Variants in WIPF2 observed in about 807,000 individuals in gnomAD.
The protein encoded by WIPF2 is WAS/WASL interacting protein family member 2, also known as WAS/WASL-interacting protein family member 2.
A neutral mutation model predicts 38.8 loss-of-function variants in WIPF2; 23 were observed. That is an observed-to-expected ratio of 0.59 (90% confidence interval 0.43 to 0.84). The LOEUF (loss-of-function observed/expected upper bound fraction) is 0.84, where lower values mean the gene tolerates loss of function less well. WIPF2 is among the 40% of genes least tolerant of loss of function. The pLI, the probability that WIPF2 is intolerant of heterozygous loss-of-function variation, is 0.00. For synonymous variants in WIPF2, 210 were observed against 223.2 expected, an observed-to-expected ratio of 0.94 and a Z score of 0.53; for missense variants, 574 against 580.5, an observed-to-expected ratio of 0.99 and a Z score of 0.11.
At position 40,256,452 on chromosome 17, in the gene WIPF2, G is replaced by C. The variant is rs1262140106; in HGVS notation, c.-8G>C. On this transcript the variant is annotated 5_prime_UTR_variant, in exon 2 of 8. Transcript: ENST00000323571. ...GAGAGAACAGTGCCAACTGGGAGCAGGGCAAGAATGCCAATTCCTCCTCCC... is the reference window on the plus strand; with the variant it reads ...GAGAGAACAGTGCCAACTGGGAGCACGGCAAGAATGCCAATTCCTCCTCCC... 1 of 1,608,572 alleles carries C rather than the reference G, an allele frequency of 6.2e-7. No homozygotes were observed. The highest frequency in any genetic ancestry group is 1.7e-5 in the Admixed American group (1 of 58,850).
chr17:40,276,311 T>G (rs897384652), intron 6 of WIPF2, among the ~76,000 whole-genome samples: 1 of 151,822 alleles, frequency 6.6e-6, no homozygotes, highest in Non-Finnish European at 1.5e-5. Context: ...GTGGATCACC[T>G]GAGGTCAGGA....
intron 2 of WIPF2, 103 bp from the exon 3 acceptor site, chr17:40,260,432 C>T (rs2031860672): frequency 7.2e-7 from 1 of 1,398,204 alleles, no homozygotes; most frequent in Non-Finnish European, 9.8e-7. Context: ...AGTGATCCAC[C>T]TGCCTTGGCC....
At chr17:40,226,623 G>C (rs1200679890) in intron 1 of WIPF2, among the ~76,000 whole-genome samples, 2 of 152,158 alleles carry the variant, frequency 1.3e-5, no homozygotes, top group Non-Finnish European at 2.9e-5. Context: ...TGCTCACCTA[G>C]TAGGGAGGAT....
rs142659099 is a variant in WIPF2 at position 40,260,575 on chromosome 17, G to A, written c.104G>A (p.Arg35Gln). The A allele has an allele frequency of 5.8e-3, 9,402 of 1,613,794 alleles. 37 individuals are homozygous for A. The highest frequency in any genetic ancestry group is 7.0e-3 in the Non-Finnish European group (8,278 of 1,179,972). Residue 35 changes from arginine (R) to glutamine (Q), a missense_variant, in exon 3 of 8, where the codon CGG (arginine) becomes CAG (glutamine). Coordinates refer to ENST00000323571, the MANE Select transcript of WIPF2 (RefSeq NM_133264.5). ...CCCAAGCTGAGTAGAGATGAGCAGC[G>A]GGGTCGAGGCGCCCTCTTACAGGAC... ...EQPKLSRDEQ[R>Q]GRGALLQDIC...
At chr17:40,221,548 A>G (rs1341184317) in intron 1 of WIPF2, among the ~76,000 whole-genome samples, 1 of 151,870 alleles carries the variant, frequency 6.6e-6, no homozygotes, top group Non-Finnish European at 1.5e-5. Flanking sequence ...ATTCTGGGCA[A>G]CGTAGCAATA....
intron 1 of WIPF2, among the ~76,000 whole-genome samples, chr17:40,231,018 C>A (rs2030718828): frequency 6.6e-6 from 1 of 152,126 alleles, no homozygotes; most frequent in Admixed American, 6.6e-5. Context: ...CCCAGATGGT[C>A]CTGTTTGATT....
intron 1 of WIPF2, among the ~76,000 whole-genome samples, chr17:40,241,769 T>C (rs2145320501): frequency 6.6e-6 from 1 of 152,328 alleles, no homozygotes; most frequent in South Asian, 2.1e-4. Context: ...GAAGTTTGTT[T>C]TTAACTTTAC....
intron 1 of WIPF2, among the ~76,000 whole-genome samples, chr17:40,226,595 C>G (rs1482620795): frequency 6.6e-6 from 1 of 152,102 alleles, no homozygotes; most frequent in South Asian, 2.1e-4. Context: ...TTTCCTTCTT[C>G]CATTCCTGCC....
Position 40,260,632 on chromosome 17 carries a change from C to A in WIPF2, c.161C>A (p.Thr54Asn), listed in dbSNP as rs755558129. 6.2e-7 allele frequency: 1 copy of A among 1,613,774 alleles called. No individual in the cohort carries two copies. The highest frequency in any genetic ancestry group is 8.5e-7 in the Non-Finnish European group (1 of 1,179,976). ...AAAGGGACCAAGCTGAAGAAGGTGA[C>A]CAACATTAATGATCGGAGTGCTCCC... ...ICKGTKLKKV[T>N]NINDRSAPIL... The change falls in exon 3 of 8, where the codon ACC (threonine) becomes AAC (asparagine). Residue 54 changes from threonine to asparagine, a missense_variant. By Grantham distance (65) the Thr-to-Asn change is moderately conservative (BLOSUM62 0). Transcript: ENST00000323571.
chr17:40,239,220 C>T (rs915877384), intron 1 of WIPF2, among the ~76,000 whole-genome samples: 13 of 151,538 alleles, frequency 8.6e-5, no homozygotes, highest in East Asian at 2.0e-4. Context: ...CACAGGCGCC[C>T]GCCACCACGC....
intron 2 of WIPF2, among the ~76,000 whole-genome samples, chr17:40,257,906 A>C (rs903882381): frequency 2.6e-5 from 4 of 152,170 alleles, no homozygotes; most frequent in African/African-American, 7.2e-5. Flanking sequence ...TAAGTGTTTA[A>C]CAGTTGAGAA....
chr17:40,255,081 A>G (rs1387559498), intron 1 of WIPF2, among the ~76,000 whole-genome samples: 1 of 152,136 alleles, frequency 6.6e-6, no homozygotes, highest in Non-Finnish European at 1.5e-5. Context: ...AAATGAGAAG[A>G]TAAGCCTCAG....
chr17:40,224,236 T>TC (rs1364192604), intron 1 of WIPF2, among the ~76,000 whole-genome samples: 1 of 141,258 alleles, frequency 7.1e-6, no homozygotes, highest in Non-Finnish European at 1.5e-5. Flanking sequence ...CTTTTCTTTT[T>TC]TTTTTTTTTT....
At position 40,219,448 on chromosome 17, in the gene WIPF2, G is replaced by C. The variant is rs977842155; in HGVS notation, c.-114G>C. The C allele has an allele frequency of 1.5e-4, 45 of 290,702 alleles. No individual in the cohort carries two copies. The highest frequency in any genetic ancestry group is 2.7e-4 in the Non-Finnish European group (40 of 150,674). The allele number at this position is 290,702 out of a possible 1,614,324, so 18.0% of individuals were successfully genotyped here. Reference sequence around the variant, plus strand: ...GGGCGAGCAGGACAGGACGAAGCCGGAGTGTAGGCGGCAGAGGATTCGCTC... The same window carrying C: ...GGGCGAGCAGGACAGGACGAAGCCGCAGTGTAGGCGGCAGAGGATTCGCTC... On this transcript the variant is annotated 5_prime_UTR_variant, in exon 1 of 8. Coordinates refer to ENST00000323571, the MANE Select transcript of WIPF2 (RefSeq NM_133264.5).
chr17:40,249,333 G>A (rs1383122358), intron 1 of WIPF2, among the ~76,000 whole-genome samples: 2 of 152,014 alleles, frequency 1.3e-5, no homozygotes, highest in African/African-American at 4.8e-5. Flanking sequence ...GGTAGTAGTT[G>A]GTGTCTTTGT....
At position 40,228,016 on chromosome 17, in the gene WIPF2, T is replaced by G. The variant is rs867496878; in HGVS notation, c.-70+8524T>G. On this transcript the variant is annotated intron_variant, in intron 1 of 7. Coordinates refer to ENST00000323571, the MANE Select transcript of WIPF2 (RefSeq NM_133264.5). ...TGTTTTTATACCTCTTTTTGTTTTT[T>G]TTTTTTTTTTTTTTTTTGAGACGGA... Among the ~76,000 whole-genome samples the G allele has an allele frequency of 1.4e-4, 16 of 118,366 alleles. No homozygotes were observed. In the South Asian group the frequency reaches 3.8e-3, roughly 28 times the overall value. The allele number at this position is 118,366 out of a possible 152,430, so 77.7% of individuals were successfully genotyped here. A position where few individuals can be genotyped will look rare whatever the true frequency, so the allele number is the denominator to read the frequency against.
intron 2 of WIPF2, among the ~76,000 whole-genome samples, chr17:40,259,580 C>T (rs566198881): frequency 6.6e-5 from 10 of 151,990 alleles, no homozygotes; most frequent in Non-Finnish European, 5.9e-5. Context: ...GTTTTCTCAT[C>T]TTTGGAATGG....
At chr17:40,271,359 T>C (rs1309530797) in intron 5 of WIPF2, among the ~76,000 whole-genome samples, 2 of 152,342 alleles carry the variant, frequency 1.3e-5, no homozygotes, top group Middle Eastern at 3.4e-3. Flanking sequence ...CAACTATTTA[T>C]TGGGCCACGT....
At chr17:40,259,018 CAAAAAAAAAA>C (rs903377557) in intron 2 of WIPF2, among the ~76,000 whole-genome samples, 1 of 34,912 alleles carries the variant, frequency 2.9e-5, no homozygotes, top group African/African-American at 1.1e-4. Flanking sequence ...AACTCTGTCT[CAAAAAAAAAA>C]AAAAAAAAAA....
Sources: gnomAD v4.1 joint callset for allele counts (sites outside exome capture counted in the v4.1 genomes callset) on GRCh38, gnomAD v4.1.1 for gene constraint, MANE v1.5 for transcripts, NCBI Gene and HGNC (gene_info 2026-07-23, HGNC 2026-07-21) for gene names.